KATNAL2: variants seen among roughly 807,000 people sequenced by gnomAD.
KATNAL2 encodes katanin p60 ATPase-containing subunit A-like 2.
Under a neutral mutation model 76.3 loss-of-function variants are expected in KATNAL2, and 52 were observed. That is an observed-to-expected ratio of 0.68 (90% CI 0.55 to 0.86). KATNAL2 has a LOEUF of 0.86. Ranked by LOEUF, KATNAL2 falls within the 40% of genes least tolerant of loss-of-function variation. The pLI, the probability that KATNAL2 is intolerant of heterozygous loss-of-function variation, is 0.00. For missense variants in KATNAL2, 660 were observed against 668.9 expected (o/e 0.99, Z 0.15); for synonymous variants, 243 against 244.2 (o/e 1.00, Z 0.05).
At chr18:47,098,156 T>A (rs1449298293) in intron 15 of KATNAL2, 1 of 314,776 alleles carries the variant, frequency 3.2e-6, no homozygotes, top group Non-Finnish European at 6.2e-6. Flanking sequence ...AATTGTTTTA[T>A]TCTACTTTTA....
In KATNAL2 at chr18:47,053,148, A is replaced by G. The variant is rs1452839040; in HGVS notation, c.289+102A>G. Reference sequence around the variant, plus strand: ...TAGATGGAGACCCTCACCCTGCACCAAAGGAGTAGGCCAGGAGGATTGTGT... The same window carrying G: ...TAGATGGAGACCCTCACCCTGCACCGAAGGAGTAGGCCAGGAGGATTGTGT... On this transcript the variant is annotated intron_variant, in intron 5 of 17. Coordinates refer to ENST00000683218, the MANE Select transcript of KATNAL2 (RefSeq NM_001387690.1). 4 of 957,442 alleles carry G rather than the reference A, an allele frequency of 4.2e-6. No homozygotes were observed. In the East Asian group the frequency reaches 1.0e-4, roughly 24 times the overall value. The allele number at this position is 957,442 out of a possible 1,614,324, so 59.3% of individuals were successfully genotyped here.
At chr18:46,923,777 G>T (rs7234291) in intron 1 of KATNAL2, among the ~76,000 whole-genome samples, 11,612 of 152,140 alleles carry the variant, frequency 0.076, 476 homozygotes, top group African/African-American at 0.098. Context: ...CTAACTGGTG[G>T]GAGATGGTAT....
intron 13 of KATNAL2, 50 bp from the exon 14 acceptor site, chr18:47,075,227 G>T (rs1291222790): frequency 2.8e-6 from 4 of 1,431,810 alleles, no homozygotes; most frequent in East Asian, 2.7e-5. Flanking sequence ...GAGCATCTGA[G>T]GACTTTAAGT....
chr18:46,943,284 A>G (rs2059298164), intron 1 of KATNAL2, among the ~76,000 whole-genome samples: 1 of 152,110 alleles, frequency 6.6e-6, no homozygotes, highest in South Asian at 2.1e-4. Context: ...AACTACAGCA[A>G]CTCAATCTTG....
chr18:46,927,568 A>G (rs1473273785), intron 1 of KATNAL2, among the ~76,000 whole-genome samples: 6 of 151,936 alleles, frequency 3.9e-5, no homozygotes, highest in South Asian at 2.1e-4. Flanking sequence ...GTGTCTTGGA[A>G]TTGCTCTTCT....
intron 3 of KATNAL2, among the ~76,000 whole-genome samples, chr18:46,958,419 AAAT>A (rs1467835621): frequency 2.0e-5 from 3 of 152,172 alleles, no homozygotes; most frequent in Non-Finnish European, 2.9e-5. Flanking sequence ...ATAATCTAGT[AAAT>A]AATAAATCTA....
chr18:47,033,107 G>A (rs2060560745), intron 3 of KATNAL2: 1 of 1,614,052 alleles, frequency 6.2e-7, no homozygotes, highest in African/African-American at 1.3e-5. Flanking sequence ...GGCGCCGCGT[G>A]CTCATTGCTG....
intron 15 of KATNAL2, among the ~76,000 whole-genome samples, chr18:47,096,072 G>A (rs1175435639): frequency 2.0e-5 from 3 of 152,126 alleles, no homozygotes; most frequent in Non-Finnish European, 2.9e-5. Flanking sequence ...TGTTACTGTC[G>A]GTAAGGCACC....
In KATNAL2 at chr18:47,033,639, G is replaced by A. The variant is rs1422387788; in HGVS notation, c.52-12818G>A. On this transcript the variant is annotated intron_variant, in intron 3 of 17. Coordinates refer to ENST00000683218, the MANE Select transcript of KATNAL2 (RefSeq NM_001387690.1). ...GGACCTCTCCCACGTCGCTGAGGGCGTCCGGATTGTTTCTAAGCACCTGGG... is the reference window on the plus strand; with the variant it reads ...GGACCTCTCCCACGTCGCTGAGGGCATCCGGATTGTTTCTAAGCACCTGGG... 3 of 1,614,212 alleles carry A rather than the reference G, an allele frequency of 1.9e-6. No homozygotes were observed. The Admixed American group carries it at 5.0e-5, about 27-fold the overall frequency.
At chr18:47,084,435 T>C in intron 15 of KATNAL2, 1 of 702,550 alleles carries the variant, frequency 1.4e-6, no homozygotes, top group Non-Finnish European at 2.6e-6. Flanking sequence ...AAAAGCAGTC[T>C]GCCACAGGTC....
chr18:47,044,772 C>A (rs12964727), intron 3 of KATNAL2, among the ~76,000 whole-genome samples: 6,072 of 42,500 alleles, frequency 0.14, 369 homozygotes, highest in African/African-American at 0.25. Context: ...AAAAAAAAAA[C>A]AAAAACAAAA....
At chr18:47,031,423 C>T (rs1348172177) in intron 3 of KATNAL2, among the ~76,000 whole-genome samples, 1 of 150,638 alleles carries the variant, frequency 6.6e-6, no homozygotes, top group Non-Finnish European at 1.5e-5. Flanking sequence ...CTCTGTCTTT[C>T]TTTTTGTGTG....
At chr18:47,031,767 C>A (rs747651506) in intron 3 of KATNAL2, among the ~76,000 whole-genome samples, 13 of 152,134 alleles carry the variant, frequency 8.5e-5, no homozygotes, top group African/African-American at 2.9e-4. Flanking sequence ...CTTGAGCCTC[C>A]CCACCTGGAC....
chr18:47,064,739 G>T (rs559830850), intron 10 of KATNAL2, among the ~76,000 whole-genome samples: 2 of 152,250 alleles, frequency 1.3e-5, no homozygotes, highest in South Asian at 2.1e-4. Flanking sequence ...GGCCTGAGAT[G>T]ATTCCATCTG....
chr18:47,051,149 C>A (rs2061329261), intron 4 of KATNAL2, among the ~76,000 whole-genome samples: 1 of 152,168 alleles, frequency 6.6e-6, no homozygotes, highest in African/African-American at 2.4e-5. Flanking sequence ...GGTTAAGAAT[C>A]TCTAGCGGCT....
intron 3 of KATNAL2, among the ~76,000 whole-genome samples, chr18:47,040,307 A>T (rs562804834): frequency 6.6e-6 from 1 of 152,338 alleles, no homozygotes; most frequent in Admixed American, 6.5e-5. Flanking sequence ...GTTTCTGGCA[A>T]GTTTGGCCCA....
At chr18:47,033,922 G>A in intron 3 of KATNAL2, 2 of 1,612,982 alleles carry the variant, frequency 1.2e-6, no homozygotes, top group Non-Finnish European at 8.5e-7. Flanking sequence ...CGGCCCGGCG[G>A]AATCAGCGCC....
chr18:46,948,904 G>A (rs1426557997), intron 3 of KATNAL2, among the ~76,000 whole-genome samples: 2 of 151,716 alleles, frequency 1.3e-5, no homozygotes, highest in African/African-American at 4.8e-5. Context: ...GTGTGTGTGT[G>A]TGTGTGTGTG....
At chr18:46,948,894 G>C (rs2059465304) in intron 3 of KATNAL2, among the ~76,000 whole-genome samples, 1 of 151,358 alleles carries the variant, frequency 6.6e-6, no homozygotes, top group Non-Finnish European at 1.5e-5. Context: ...TGCATTGTGT[G>C]TGTGTGTGTG....
Sources: allele counts gnomAD v4.1 joint callset (sites outside exome capture counted in the v4.1 genomes callset), GRCh38; gene constraint gnomAD v4.1.1; transcripts MANE v1.5; gene names NCBI Gene and HGNC (gene_info 2026-07-23, HGNC 2026-07-21).